Variants in ADCY9 observed in about 807,000 individuals in gnomAD.
ADCY9 encodes adenylate cyclase 9, also known as adenylate cyclase type 9.
In ADCY9, 50 loss-of-function variants were observed where a neutral mutation model predicts 101.5. That is an observed-to-expected ratio of 0.49 (90% CI 0.39 to 0.62). ADCY9 has a LOEUF of 0.62. Among genes scored for constraint, ADCY9 ranks in the 20% least tolerant of loss-of-function variants. The probability of loss-of-function intolerance (pLI) is 0.00; values close to 1 mark genes in which losing one functional copy is unlikely to be tolerated. For synonymous variants in ADCY9, 905 were observed against 769.3 expected (o/e 1.18, Z -2.92); for missense variants, 1,662 against 1,800.4 (o/e 0.92, Z 1.39).
At chr16:4,003,970 C>A (rs185604032) in intron 3 of ADCY9, among the ~76,000 whole-genome samples, 1 of 152,090 alleles carries the variant, frequency 6.6e-6, no homozygotes, top group East Asian at 1.9e-4. Context: ...ATTTCAAGAA[C>A]CCAAGGCCAG....
At chr16:3,977,870 C>A (rs1245003203) in intron 8 of ADCY9, among the ~76,000 whole-genome samples, 1 of 152,120 alleles carries the variant, frequency 6.6e-6, no homozygotes, top group Non-Finnish European at 1.5e-5. Context: ...GCTCCCGGCA[C>A]CACACCTCGC....
At chr16:4,065,438 T>C (rs557181419) in intron 2 of ADCY9, among the ~76,000 whole-genome samples, 2 of 152,358 alleles carry the variant, frequency 1.3e-5, no homozygotes, top group Admixed American at 6.5e-5. Flanking sequence ...GAAAGCATCA[T>C]TCATCTCCTC....
At chr16:4,063,687 G>A (rs1295280967) in intron 2 of ADCY9, among the ~76,000 whole-genome samples, 1 of 151,570 alleles carries the variant, frequency 6.6e-6, no homozygotes, top group Non-Finnish European at 1.5e-5. Context: ...ACTCCAGCCT[G>A]GGCCACGGGG....
rs140917025 is a variant in ADCY9 at position 3,984,884 on chromosome 16, T to C, written c.2311-1444A>G. 2.9e-3 allele frequency among the ~76,000 whole-genome samples: 449 copies of C among 152,218 alleles called. 2 individuals are homozygous for C. The highest frequency in any genetic ancestry group is 0.01 in the African/African-American group (427 of 41,532). Reference sequence around the variant, plus strand: ...TGTGCGTTCTTTGGGACAAACCAGCTCCGGGTGCCTCGACCACTCCCAGGA... The same window carrying C: ...TGTGCGTTCTTTGGGACAAACCAGCCCCGGGTGCCTCGACCACTCCCAGGA... On this transcript the variant is annotated intron_variant, in intron 6 of 10. Coordinates refer to ENST00000294016, the MANE Select transcript of ADCY9 (RefSeq NM_001116.4).
intron 2 of ADCY9, among the ~76,000 whole-genome samples, chr16:4,027,901 C>T (rs546587805): frequency 4.6e-5 from 7 of 151,036 alleles, no homozygotes; most frequent in Non-Finnish European, 8.9e-5. Context: ...AGAAAAAAAA[C>T]CCATCAGATC....
At chr16:4,092,371 A>T (rs1474549662) in intron 2 of ADCY9, among the ~76,000 whole-genome samples, 1 of 152,250 alleles carries the variant, frequency 6.6e-6, no homozygotes, top group Non-Finnish European at 1.5e-5. Flanking sequence ...GACTCCTACC[A>T]GACGTTTCTT....
chr16:4,007,496 C>T lies in ADCY9; in HGVS notation c.1756G>A (p.Ala586Thr), dbSNP rs763678836. The change falls in exon 3 of 11, where the codon GCC becomes ACC. Residue 586 changes from alanine (A) to threonine (T), a missense_variant. Transcript: ENST00000294016. Reference protein sequence around the residue: ...AKESRCSCAEALLSGFEVIDG... With the variant: ...AKESRCSCAETLLSGFEVIDG... ...ATGACCTCAAAGCCAGAAAGCAAGG[C>T]CTCTGCACAGCTGCAGCGAGACTCC... 1 of 1,614,064 alleles carries T rather than the reference C, an allele frequency of 6.2e-7. No homozygotes were observed. Among genetic ancestry groups the T allele is most frequent in the Non-Finnish European group, 8.5e-7 (1 of 1,180,024 alleles).
At chr16:4,012,691 G>A (rs145476545) in intron 2 of ADCY9, among the ~76,000 whole-genome samples, 102 of 152,296 alleles carry the variant, frequency 6.7e-4, no homozygotes, top group African/African-American at 2.3e-3. Context: ...GGCTGTGTGC[G>A]TGGAGGTTAA....
At chr16:4,008,613 C>T (rs1016665243) in intron 2 of ADCY9, among the ~76,000 whole-genome samples, 1 of 151,608 alleles carries the variant, frequency 6.6e-6, no homozygotes, top group Admixed American at 6.6e-5. Flanking sequence ...ACTCTCTCAC[C>T]CAGGATGGAG....
intron 2 of ADCY9, among the ~76,000 whole-genome samples, chr16:4,069,327 G>A (rs865953483): frequency 2.0e-5 from 3 of 149,766 alleles, no homozygotes; most frequent in Admixed American, 6.7e-5. Context: ...TTAGCCCACC[G>A]CACACTAGCT....
intron 10 of ADCY9, 88 bp from the exon 11 acceptor site, chr16:3,967,054 T>G (rs1329288510): frequency 1.8e-5 from 20 of 1,129,092 alleles, no homozygotes; most frequent in Non-Finnish European, 2.4e-5. Flanking sequence ...AAAGCTTTGT[T>G]GAGTCCAGGC....
chr16:4,098,941 T>A (rs1375747842), intron 2 of ADCY9, among the ~76,000 whole-genome samples: 1 of 152,124 alleles, frequency 6.6e-6, no homozygotes, highest in African/African-American at 2.4e-5. Context: ...TTGCTTTGTT[T>A]TGTTTTTGGA....
At chr16:4,105,276 CAGTT>C (rs1430185073) in intron 2 of ADCY9, among the ~76,000 whole-genome samples, 1 of 152,124 alleles carries the variant, frequency 6.6e-6, no homozygotes, top group Non-Finnish European at 1.5e-5. Context: ...TTAAGCTTCT[CAGTT>C]TGTTTCAATT....
downstream of ADCY9, among the ~76,000 whole-genome samples, chr16:3,960,827 AC>A (rs1252482421): frequency 6.6e-6 from 1 of 152,206 alleles, no homozygotes; most frequent in Non-Finnish European, 1.5e-5. Flanking sequence ...ATTTAAAAAA[AC>A]AATTTTTAAA....
chr16:4,046,781 C>T (rs2056667688), intron 2 of ADCY9, among the ~76,000 whole-genome samples: 1 of 152,014 alleles, frequency 6.6e-6, no homozygotes, highest in South Asian at 2.1e-4. Context: ...CGCTAGAGCC[C>T]AGAAGTTCGA....
intron 3 of ADCY9, among the ~76,000 whole-genome samples, chr16:4,005,520 T>C (rs1007561505): frequency 2.3e-4 from 35 of 152,220 alleles, no homozygotes; most frequent in African/African-American, 8.2e-4. Flanking sequence ...TGAGCCACCA[T>C]GCCCGGCCTT....
chr16:4,067,280 C>T (rs118134756), intron 2 of ADCY9, among the ~76,000 whole-genome samples: 5 of 152,242 alleles, frequency 3.3e-5, no homozygotes, highest in East Asian at 1.9e-4. Flanking sequence ...TTCTTAAAAT[C>T]GTTAAACAGA....
In ADCY9 at chr16:4,086,971, C is replaced by T. The variant is rs545387559; in HGVS notation, c.1693+26779G>A. Among the ~76,000 whole-genome samples, 3 of 151,914 alleles carry T rather than the reference C, an allele frequency of 2.0e-5. No homozygotes were observed. The East Asian group carries it at 5.8e-4, about 29-fold the overall frequency. On this transcript the variant is annotated intron_variant, in intron 2 of 10. Coordinates refer to ENST00000294016, the MANE Select transcript of ADCY9 (RefSeq NM_001116.4). Reference sequence around the variant, plus strand: ...CACCACGCCCAGCCCTCCAAAGCTTCTTCATTCTCCCCTAATCAAGGTGCT... The same window carrying T: ...CACCACGCCCAGCCCTCCAAAGCTTTTTCATTCTCCCCTAATCAAGGTGCT...
chr16:4,110,990 G>A (rs867553421), intron 2 of ADCY9, among the ~76,000 whole-genome samples: 11 of 152,118 alleles, frequency 7.2e-5, no homozygotes, highest in African/African-American at 1.9e-4. Flanking sequence ...CCACGATCAC[G>A]GATCCTGCTC....
Sources: allele counts gnomAD v4.1 joint callset (sites outside exome capture counted in the v4.1 genomes callset), GRCh38; gene constraint gnomAD v4.1.1; transcripts MANE v1.5; gene names NCBI Gene and HGNC (gene_info 2026-07-23, HGNC 2026-07-21).